Variants in DDX27 observed in about 807,000 individuals in gnomAD.
DDX27 encodes the protein DEAD-box helicase 27.
A neutral mutation model predicts 99.3 loss-of-function variants in DDX27; 42 were observed. The ratio of observed to expected loss-of-function variants is 0.42; its 90% confidence interval spans 0.33 to 0.55. DDX27 has a LOEUF of 0.55. Ranked by LOEUF, DDX27 falls within the 20% of genes least tolerant of loss-of-function variation. The pLI is 0.07. For synonymous variants in DDX27, 329 were observed against 353.8 expected (o/e 0.93, Z 0.79); for missense variants, 798 against 976.8 (o/e 0.82, Z 2.44).
intron 7 of DDX27, among the ~76,000 whole-genome samples, chr20:49,228,404 G>A (rs1979975518): frequency 6.6e-6 from 1 of 151,908 alleles, no homozygotes; most frequent in Admixed American, 6.6e-5. Flanking sequence ...ACAAAGTGCT[G>A]GGATTACAGG....
chr20:49,242,303 C>T, intron 18 of DDX27, 97 bp downstream of exon 18: 1 of 1,532,438 alleles, frequency 6.5e-7, no homozygotes, highest in African/African-American at 1.4e-5. Flanking sequence ...TGACAGTAGC[C>T]CACATTATTT....
intron 15 of DDX27, 60 bp downstream of exon 15, chr20:49,239,115 C>G: frequency 6.6e-7 from 1 of 1,519,924 alleles, no homozygotes; most frequent in Non-Finnish European, 9.1e-7. Context: ...CTGCTGCATC[C>G]CTGCTGGTGC....
At chr20:49,240,749 C>T (rs900382383) in intron 16 of DDX27, among the ~76,000 whole-genome samples, 3 of 151,866 alleles carry the variant, frequency 2.0e-5, no homozygotes, top group Non-Finnish European at 4.4e-5. Context: ...TTTTTAATGG[C>T]TTCATGTTCT....
Position 49,236,361 on chromosome 20 carries a change from T to C in DDX27, c.1538T>C (p.Ile513Thr), listed in dbSNP as rs866745455. ...ATCAACTTCACAATGCCTAATACCATCAAACATTATGTCCACCGGGTGGGG... is the reference window on the plus strand; with the variant it reads ...ATCAACTTCACAATGCCTAATACCACCAAACATTATGTCCACCGGGTGGGG... ...TVINFTMPNT[I>T]KHYVHRVGRT... Residue 513 changes from isoleucine (I) to threonine (T), a missense_variant, in exon 14 of 21, where the codon ATC (isoleucine) becomes ACC (threonine). Transcript: ENST00000618172. The surrounding 1 kb of genome is among the most constrained non-coding windows in gnomAD (Gnocchi z 4.1). The C allele has an allele frequency of 6.2e-7, 1 of 1,604,112 alleles. No homozygotes were observed. The highest frequency in any genetic ancestry group is 1.3e-5 in the African/African-American group (1 of 74,692).
intron 14 of DDX27, among the ~76,000 whole-genome samples, chr20:49,237,560 T>G (rs1205687681): frequency 6.6e-6 from 1 of 152,180 alleles, no homozygotes; most frequent in Non-Finnish European, 1.5e-5. Flanking sequence ...CTGTTCTAGG[T>G]GCTGGGGATA....
chr20:49,242,326 T>G (rs983572539), intron 18 of DDX27, 120 bp downstream of exon 18: 1 of 1,441,324 alleles, frequency 6.9e-7, no homozygotes, highest in Non-Finnish European at 9.3e-7. Flanking sequence ...GTAATTAGTA[T>G]GTACCAATGT....
intron 19 of DDX27, 85 bp downstream of exon 19, chr20:49,242,766 A>G: frequency 1.6e-6 from 2 of 1,218,336 alleles, no homozygotes; most frequent in Non-Finnish European, 2.4e-6. Flanking sequence ...TCTGTCGCCC[A>G]GGGTGGAGTG....
rs1239455459 is a variant in DDX27 at position 49,243,879 on chromosome 20, T to C, written c.*45T>C. ...TTCATGGGGGCAGCCCTTAAATCCC[T>C]TCCCTGTGGGAAGTCATCCTGGCTG... On this transcript the variant is annotated 3_prime_UTR_variant, in exon 21 of 21. Transcript: ENST00000618172. The C allele has an allele frequency of 6.2e-7, 1 of 1,612,006 alleles. No homozygotes were observed. Among genetic ancestry groups the C allele is most frequent in the Admixed American group, 1.7e-5 (1 of 59,926 alleles).
intron 1 of DDX27, among the ~76,000 whole-genome samples, chr20:49,220,618 G>A (rs1979621606): frequency 6.6e-6 from 1 of 152,050 alleles, no homozygotes; most frequent in Admixed American, 6.6e-5. Context: ...CTGTGGGCGC[G>A]GGCGGCCACC....
chr20:49,235,230 A>C, intron 12 of DDX27, 142 bp downstream of exon 12: 2 of 935,310 alleles, frequency 2.1e-6, no homozygotes, highest in South Asian at 2.0e-5. Flanking sequence ...TTTTAACCTA[A>C]CCACTGTGAG....
intron 9 of DDX27, among the ~76,000 whole-genome samples, chr20:49,232,276 C>T (rs775640631): frequency 2.0e-5 from 3 of 152,132 alleles, no homozygotes; most frequent in Non-Finnish European, 2.9e-5. Context: ...AGACTAGAGA[C>T]GTGGCAGCCA....
At chr20:49,234,808 A>T in intron 11 of DDX27, 127 bp from the exon 12 acceptor site, 1 of 1,139,032 alleles carries the variant, frequency 8.8e-7, no homozygotes, top group Non-Finnish European at 1.2e-6. Flanking sequence ...TTTGAGTTCC[A>T]CAGGACAGGG....
intron 16 of DDX27, among the ~76,000 whole-genome samples, chr20:49,239,929 G>T (rs1980424356): frequency 6.6e-6 from 1 of 152,204 alleles, no homozygotes; most frequent in African/African-American, 2.4e-5. Flanking sequence ...GATGAACCTT[G>T]AAAATCTTAA....
intron 8 of DDX27, among the ~76,000 whole-genome samples, chr20:49,229,093 A>G (rs951224228): frequency 3.2e-4 from 45 of 139,794 alleles, no homozygotes; most frequent in African/African-American, 1.2e-3. Context: ...GCTGGAGTGC[A>G]GTGGCGCAAT....
Position 49,223,027 on chromosome 20 carries a change from A to G in DDX27, c.300+11A>G. ...AAAAGGAAAACAGAGGTGAGAAGAA[A>G]AGTGGCTATTTTTCGTTGTTAGGGC... On this transcript the variant is annotated intron_variant, in intron 3 of 20. Transcript: ENST00000618172. 2 of 1,611,764 alleles carry G rather than the reference A, an allele frequency of 1.2e-6. No individual in the cohort carries two copies. Among genetic ancestry groups the G allele is most frequent in the Non-Finnish European group, 1.7e-6 (2 of 1,178,778 alleles).
intron 9 of DDX27, among the ~76,000 whole-genome samples, chr20:49,233,021 G>C (rs868546038): frequency 6.6e-6 from 1 of 152,188 alleles, no homozygotes; most frequent in Non-Finnish European, 1.5e-5. Flanking sequence ...AAAGTCTTGG[G>C]TGTGTTGATG....
chr20:49,220,598 C>T (rs924626730), intron 1 of DDX27, among the ~76,000 whole-genome samples: 2 of 152,070 alleles, frequency 1.3e-5, no homozygotes, highest in Non-Finnish European at 2.9e-5. Context: ...CGCCATTTCC[C>T]CGATGTCCCC....
At chr20:49,240,649 G>A (rs1422185598) in intron 16 of DDX27, among the ~76,000 whole-genome samples, 3 of 152,010 alleles carry the variant, frequency 2.0e-5, no homozygotes, top group Non-Finnish European at 2.9e-5. Context: ...GGATGGTCTC[G>A]ATCTCCTGAC....
At chr20:49,230,804 TG>T (rs1980083780) in intron 9 of DDX27, among the ~76,000 whole-genome samples, 1 of 152,090 alleles carries the variant, frequency 6.6e-6, no homozygotes, top group Non-Finnish European at 1.5e-5. Flanking sequence ...CTGTGCCATC[TG>T]CTCACCTCTT....
Sources: gnomAD v4.1 joint callset for allele counts (sites outside exome capture counted in the v4.1 genomes callset) on GRCh38, gnomAD v4.1.1 for gene constraint, Gnocchi (gnomAD v3.1) non-coding constraint, MANE v1.5 for transcripts, NCBI Gene and HGNC (gene_info 2026-07-23, HGNC 2026-07-21) for gene names.